Variants in HPSE2 observed in about 807,000 individuals in gnomAD.
The protein encoded by HPSE2 is heparanase 2 (inactive).
A neutral mutation model predicts 60.5 loss-of-function variants in HPSE2; 38 were observed. That is an observed-to-expected ratio of 0.63 (90% CI 0.48 to 0.82). HPSE2 has a LOEUF of 0.82. Ranked by LOEUF, HPSE2 falls within the 40% of genes least tolerant of loss-of-function variation. HPSE2 has a pLI of 0.00. For missense variants in HPSE2, 713 were observed against 740.4 expected, an observed-to-expected ratio of 0.96 and a Z score of 0.43; for synonymous variants, 295 against 293.2, an observed-to-expected ratio of 1.01 and a Z score of -0.06.
At chr10:99,190,725 C>T (rs1004635430) in intron 2 of HPSE2, among the ~76,000 whole-genome samples, 1 of 152,156 alleles carries the variant, frequency 6.6e-6, no homozygotes, top group African/African-American at 2.4e-5. Flanking sequence ...CCAAATTGAA[C>T]AACTATCCAT....
At chr10:98,815,951 C>T (rs914917177) in intron 3 of HPSE2, among the ~76,000 whole-genome samples, 13 of 146,912 alleles carry the variant, frequency 8.8e-5, no homozygotes, top group African/African-American at 2.3e-4. Flanking sequence ...ACCGCATGTT[C>T]TCACTCATAG....
chr10:98,654,642 T>C (rs539285083), intron 6 of HPSE2, among the ~76,000 whole-genome samples: 22 of 152,356 alleles, frequency 1.4e-4, no homozygotes, highest in African/African-American at 4.8e-4. Context: ...TCTACTTCCA[T>C]TAGAGCACTT....
At chr10:98,791,527 A>T (rs1950654667) in intron 3 of HPSE2, among the ~76,000 whole-genome samples, 1 of 152,206 alleles carries the variant, frequency 6.6e-6, no homozygotes, top group African/African-American at 2.4e-5. Context: ...TTTCCAAATA[A>T]GGGTTTGTTT....
chr10:98,972,247 T>C (rs1955973427), intron 3 of HPSE2, among the ~76,000 whole-genome samples: 1 of 152,136 alleles, frequency 6.6e-6, no homozygotes, highest in African/African-American at 2.4e-5. Flanking sequence ...CTTGTTGCTG[T>C]ATTCTTGTTG....
chr10:98,467,993 G>C (rs928152506), intron 11 of HPSE2, among the ~76,000 whole-genome samples: 4 of 152,236 alleles, frequency 2.6e-5, no homozygotes, highest in Non-Finnish European at 5.9e-5. Context: ...CCGGGCTCCG[G>C]GTCCCCGGCT....
intron 3 of HPSE2, among the ~76,000 whole-genome samples, chr10:98,987,280 T>C (rs1346415125): frequency 1.3e-5 from 2 of 151,828 alleles, no homozygotes; most frequent in African/African-American, 2.4e-5. Context: ...CAGCAGCACA[T>C]CAAAAAGCTT....
At chr10:98,980,010 A>C (rs1197233752) in intron 3 of HPSE2, among the ~76,000 whole-genome samples, 1 of 152,192 alleles carries the variant, frequency 6.6e-6, no homozygotes, top group Non-Finnish European at 1.5e-5. Flanking sequence ...ATGTCAGATG[A>C]ACGCTGCAGG....
At chr10:98,704,021 T>A (rs573827881) in intron 5 of HPSE2, among the ~76,000 whole-genome samples, 1 of 152,100 alleles carries the variant, frequency 6.6e-6, no homozygotes, top group African/African-American at 2.4e-5. Flanking sequence ...GAAAACCCCA[T>A]CATCTCAGCC....
intron 9 of HPSE2, among the ~76,000 whole-genome samples, chr10:98,554,544 G>A (rs997789532): frequency 6.6e-6 from 1 of 152,104 alleles, no homozygotes; most frequent in African/African-American, 2.4e-5. Flanking sequence ...ACTCCATCTT[G>A]TCTCAGTATT....
intron 6 of HPSE2, among the ~76,000 whole-genome samples, chr10:98,685,100 C>T (rs1947879569): frequency 2.0e-5 from 3 of 152,108 alleles, no homozygotes; most frequent in African/African-American, 7.2e-5. Context: ...GTTTACTGTA[C>T]TTGTTTTTCA....
chr10:98,883,212 A>G (rs997695665), intron 3 of HPSE2, among the ~76,000 whole-genome samples: 1 of 152,134 alleles, frequency 6.6e-6, no homozygotes, highest in Admixed American at 6.6e-5. Flanking sequence ...CACAATTTAA[A>G]AAAAAACTTT....
chr10:98,465,858 A>G (rs1940507057), intron 11 of HPSE2, among the ~76,000 whole-genome samples: 1 of 152,206 alleles, frequency 6.6e-6, no homozygotes, highest in South Asian at 2.1e-4. Flanking sequence ...ATATTAGGAC[A>G]ACTGCATTTT....
chr10:99,006,791 T>TGGG (rs964389125), intron 3 of HPSE2, among the ~76,000 whole-genome samples: 3 of 152,160 alleles, frequency 2.0e-5, no homozygotes, highest in African/African-American at 7.2e-5. Context: ...GTCTCAGGCC[T>TGGG]GGGGCTGCTG....
intron 3 of HPSE2, among the ~76,000 whole-genome samples, chr10:98,952,895 T>A (rs1955405201): frequency 1.3e-5 from 2 of 152,002 alleles, no homozygotes; most frequent in South Asian, 4.1e-4. Context: ...CCTCCTAAAA[T>A]CTCTGTCTCC....
Position 98,590,442 on chromosome 10 carries a change from C to A in HPSE2, c.1320+24462G>T, listed in dbSNP as rs143549058. On this transcript the variant is annotated intron_variant, in intron 9 of 11. Coordinates refer to ENST00000370552, the MANE Select transcript of HPSE2 (RefSeq NM_021828.5). The stretch of plus-strand genomic sequence containing the variant: ...TGGGTGGGAATCTCTGGTTATGCTT[C>A]TAGGGGTCATATCATTCAAACATTG... Among the ~76,000 whole-genome samples, 596 of 152,314 alleles carry A rather than the reference C, an allele frequency of 3.9e-3. 4 individuals carry two copies. The highest frequency in any genetic ancestry group is 0.014 in the African/African-American group (572 of 41,568).
chr10:99,167,651 C>T (rs1269078639), intron 2 of HPSE2, among the ~76,000 whole-genome samples: 1 of 152,164 alleles, frequency 6.6e-6, no homozygotes, highest in Non-Finnish European at 1.5e-5. Flanking sequence ...ATACCATACT[C>T]CCTTGATTAT....
chr10:98,815,468 C>CT (rs1023327024), intron 3 of HPSE2, among the ~76,000 whole-genome samples: 13 of 152,176 alleles, frequency 8.5e-5, no homozygotes, highest in African/African-American at 2.9e-4. Context: ...AGCTAAGAGG[C>CT]TAAGACTCTG....
intron 2 of HPSE2, among the ~76,000 whole-genome samples, chr10:99,196,876 C>T (rs1848417433): frequency 6.6e-6 from 1 of 152,062 alleles, no homozygotes; most frequent in African/African-American, 2.4e-5. Flanking sequence ...TGGGTATATA[C>T]CTCCCAAAAA....
intron 11 of HPSE2, among the ~76,000 whole-genome samples, chr10:98,464,293 T>C (rs114024390): frequency 2.0e-5 from 3 of 152,204 alleles, no homozygotes; most frequent in Non-Finnish European, 1.5e-5. Context: ...ATTACTATAA[T>C]GTGGAAGACC....
Sources: allele counts gnomAD v4.1 joint callset (sites outside exome capture counted in the v4.1 genomes callset), GRCh38; gene constraint gnomAD v4.1.1; transcripts MANE v1.5; gene names NCBI Gene and HGNC (gene_info 2026-07-23, HGNC 2026-07-21).